ALMS1: variants seen among roughly 807,000 people sequenced by gnomAD.
ALMS1 encodes ALMS1 centrosome and basal body associated protein.
Under a neutral mutation model 352.2 loss-of-function variants are expected in ALMS1, and 271 were observed. That is an observed-to-expected ratio of 0.77 (90% CI 0.70 to 0.85). The LOEUF is 0.85. Ranked by LOEUF, ALMS1 falls within the 40% of genes least tolerant of loss-of-function variation. The pLI is 0.00. For missense variants in ALMS1, 5,445 were observed against 4,870.7 expected, an observed-to-expected ratio of 1.12 and a Z score of -3.51; for synonymous variants, 1,865 against 1,761.2, an observed-to-expected ratio of 1.06 and a Z score of -1.48.
chr2:73,578,000 G>C (rs1675088765), intron 16 of ALMS1, among the ~76,000 whole-genome samples: 1 of 152,080 alleles, frequency 6.6e-6, no homozygotes, highest in African/African-American at 2.4e-5. Context: ...TATTACTGTG[G>C]AACTATCTAT....
intron 1 of ALMS1, among the ~76,000 whole-genome samples, chr2:73,389,742 T>G (rs569340623): frequency 6.6e-6 from 1 of 152,110 alleles, no homozygotes; most frequent in South Asian, 2.1e-4. Flanking sequence ...CAGGCTGGAG[T>G]GCAGTGTCAC....
In ALMS1 at chr2:73,550,346, C is replaced by T. The variant is rs1314404557; in HGVS notation, c.9987C>T (p.Asn3329=). The T allele has an allele frequency of 6.2e-6, 10 of 1,614,146 alleles. No homozygotes were observed. Among genetic ancestry groups the T allele is most frequent in the Non-Finnish European group, 8.5e-6 (10 of 1,180,008 alleles). The part of the protein sequence containing the change: ...TRDDDLSATV[N]IKHKEGIYSK... ...ATGATGACCTCTCAGCCACTGTTAA[C>T]ATTAAACATAAAGAAGGAATCTACA... Residue 3329 remains asparagine, a synonymous_variant, in exon 13 of 23, where the codon AAC becomes AAT. Coordinates refer to ENST00000613296, the MANE Select transcript of ALMS1 (RefSeq NM_001378454.1).
At chr2:73,600,973 T>G in intron 18 of ALMS1, 92 bp downstream of exon 18, 1 of 1,463,818 alleles carries the variant, frequency 6.8e-7, no homozygotes, top group East Asian at 2.4e-5. Context: ...TGACTCTATG[T>G]GGTCCCCACC....
intron 5 of ALMS1, 33 bp from the exon 6 acceptor site, chr2:73,426,420 A>C (rs368900905): frequency 1.9e-6 from 3 of 1,608,018 alleles, no homozygotes; most frequent in Non-Finnish European, 2.6e-6. Context: ...TTTACTATAC[A>C]TACAATTATG....
intron 9 of ALMS1, among the ~76,000 whole-genome samples, chr2:73,469,103 T>C (rs1672416187): frequency 6.6e-6 from 1 of 151,958 alleles, no homozygotes; most frequent in Non-Finnish European, 1.5e-5. Flanking sequence ...TCTCCTTCTC[T>C]CTTCTGTTTG....
chr2:73,564,910 T>A (rs901440163), intron 15 of ALMS1, among the ~76,000 whole-genome samples: 1 of 152,172 alleles, frequency 6.6e-6, no homozygotes, highest in African/African-American at 2.4e-5. Context: ...TCACACAGAT[T>A]TACAGTCATT....
chr2:73,451,932 C>T lies in ALMS1; in HGVS notation c.5405C>T (p.Thr1802Ile). The T allele has an allele frequency of 6.2e-7, 1 of 1,613,936 alleles. No individual in the cohort carries two copies. Among genetic ancestry groups the T allele is most frequent in the Non-Finnish European group, 8.5e-7 (1 of 1,179,954 alleles). Residue 1802 changes from threonine to isoleucine, a missense_variant, in exon 8 of 23, where the codon ACC (threonine) becomes ATC (isoleucine). By Grantham distance (89) the Thr-to-Ile change is moderately conservative (BLOSUM62 -1). Coordinates refer to ENST00000613296, the MANE Select transcript of ALMS1 (RefSeq NM_001378454.1). ...CAGAAGACTGGGGTATCAACAGTAA[C>T]CTCTACTTCCTACTCACACAGAGAG... ...ADQKTGVSTV[T>I]STSYSHREKP...
At position 73,466,167 on chromosome 2, in the gene ALMS1, A is replaced by G. The variant is rs189770126; in HGVS notation, c.7674+10872A>G. Among the ~76,000 whole-genome samples, 334 of 152,296 alleles carry G rather than the reference A, an allele frequency of 2.2e-3. 2 individuals carry two copies. The highest frequency in any genetic ancestry group is 3.4e-3 in the Middle Eastern group (1 of 294). ...CCAAAGGATTATAAATCGTGCTGCT[A>G]TAAAGACACATACACATGTACGTTT... On this transcript the variant is annotated intron_variant, in intron 9 of 22. Coordinates refer to ENST00000613296, the MANE Select transcript of ALMS1 (RefSeq NM_001378454.1).
At chr2:73,445,381 T>C (rs1671791525) in intron 7 of ALMS1, among the ~76,000 whole-genome samples, 2 of 152,124 alleles carry the variant, frequency 1.3e-5, no homozygotes, top group African/African-American at 4.8e-5. Context: ...ACCATCCTCC[T>C]CACTACCTTC....
At chr2:73,477,752 T>A (rs7590684) in intron 9 of ALMS1, among the ~76,000 whole-genome samples, 5,019 of 152,224 alleles carry the variant, frequency 0.033, 188 homozygotes, top group African/African-American at 0.095. Context: ...GAATTTTTTT[T>A]AAAAATTTAT....
At chr2:73,608,649 C>A in intron 22 of ALMS1, 75 bp downstream of exon 22, 1 of 1,194,240 alleles carries the variant, frequency 8.4e-7, no homozygotes, top group South Asian at 1.3e-5. Context: ...AACACGTTGC[C>A]TGTTGAGTGT....
rs762591261 is a variant in ALMS1 at position 73,600,661 on chromosome 2, A to G, written c.11669-17A>G. On this transcript the variant is annotated splice_polypyrimidine_tract_variant and intron_variant, in intron 17 of 22. Transcript: ENST00000613296. ...CTCAAGGTTACTCCCAGAGACACCTATGATCCTTCCCCTCAGGTAACTTGG... is the reference window on the plus strand; with the variant it reads ...CTCAAGGTTACTCCCAGAGACACCTGTGATCCTTCCCCTCAGGTAACTTGG... 185 of 1,609,088 alleles carry G rather than the reference A, an allele frequency of 1.1e-4. No individual in the cohort carries two copies. Among genetic ancestry groups the G allele is most frequent in the South Asian group, 4.9e-4 (44 of 90,160 alleles).
chr2:73,598,025 A>G (rs1037306735), intron 16 of ALMS1, among the ~76,000 whole-genome samples: 6 of 152,232 alleles, frequency 3.9e-5, no homozygotes, highest in African/African-American at 9.6e-5. Context: ...GTGATTGCAC[A>G]CAGTAATTGC....
At chr2:73,411,274 A>G (rs1671070752) in intron 2 of ALMS1, among the ~76,000 whole-genome samples, 1 of 151,976 alleles carries the variant, frequency 6.6e-6, no homozygotes, top group Admixed American at 6.6e-5. Flanking sequence ...CATCCAGGGA[A>G]TGCCTGGGGC....
At chr2:73,602,494 C>G in intron 20 of ALMS1, 126 bp downstream of exon 20, 7 of 1,163,788 alleles carry the variant, frequency 6.0e-6, no homozygotes, top group Non-Finnish European at 8.8e-6. Flanking sequence ...CTTTTGCTTG[C>G]CAAGACTCAA....
At chr2:73,512,553 A>G (rs1673474764) in intron 10 of ALMS1, among the ~76,000 whole-genome samples, 3 of 151,902 alleles carry the variant, frequency 2.0e-5, no homozygotes, top group Middle Eastern at 3.4e-3. Context: ...TTCTAATTGC[A>G]TTTTTTTTAC....
intron 1 of ALMS1, among the ~76,000 whole-genome samples, chr2:73,388,235 C>T (rs1282549079): frequency 6.6e-6 from 1 of 152,154 alleles, no homozygotes; most frequent in Non-Finnish European, 1.5e-5. Context: ...AATATTCAAA[C>T]TTTATCTTGA....
chr2:73,448,887 G>A lies in ALMS1; in HGVS notation c.2360G>A (p.Gly787Asp), dbSNP rs1490340686. The A allele has an allele frequency of 1.2e-6, 2 of 1,613,168 alleles. No homozygotes were observed. The highest frequency in any genetic ancestry group is 1.7e-5 in the Admixed American group (1 of 59,952). Residue 787 changes from glycine to aspartate, a missense_variant, in exon 8 of 23, where the codon GGT becomes GAT. Physicochemically the swap from Gly to Asp is moderately conservative, Grantham distance 94. Coordinates refer to ENST00000613296, the MANE Select transcript of ALMS1 (RefSeq NM_001378454.1). ...DLADSHLPEE[G>D]LKVSAVAGPA... ...GCAGACAGTCATCTACCTGAAGAGG[G>A]TCTGAAAGTTTCAGCTGTTGCTGGA...
rs1205704532 is a variant in ALMS1 at position 73,424,670 on chromosome 2, CTG to C, written c.1008_1009del (p.Cys336Ter). 1.9e-6 allele frequency: 3 copies of C among 1,614,064 alleles called. No homozygotes were observed. The highest frequency in any genetic ancestry group is 2.5e-6 in the Non-Finnish European group (3 of 1,180,002). On this transcript the variant is annotated frameshift_variant, in exon 5 of 23. Transcript: ENST00000613296. LOFTEE classifies it high-confidence loss of function. ...TTGATGAACTGAAAATTCCCAAAGACTGTGATCGTTATGATGATCTTTGTTCA... is the reference window on the plus strand; with the variant it reads ...TTGATGAACTGAAAATTCCCAAAGACTGATCGTTATGATGATCTTTGTTCA... Reference protein sequence around the residue: ...SVDELKIPKDCDRYDDLCSYM... With the variant: ...SVDELKIPKDXDRYDDLCSYM...
Sources: gnomAD v4.1 joint callset for allele counts (sites outside exome capture counted in the v4.1 genomes callset) on GRCh38, gnomAD v4.1.1 for gene constraint, MANE v1.5 for transcripts, NCBI Gene and HGNC (gene_info 2026-07-23, HGNC 2026-07-21) for gene names.